The following HYCC2 variants were observed in gnomAD, a reference collection of about 807,000 sequenced individuals.
HYCC2 encodes the protein hyccin 2.
At chr2:201,006,379 G>A in the HYCC2 span, among the ~76,000 whole-genome samples, 12 of 150,848 alleles carry the variant, frequency 8.0e-5, no homozygotes, top group Non-Finnish European at 1.8e-4. Flanking sequence ...GACCTCAGGT[G>A]ATCCACCTGC....
chr2:200,994,512 G>C, the HYCC2 span, among the ~76,000 whole-genome samples: 1 of 152,108 alleles, frequency 6.6e-6, no homozygotes, highest in East Asian at 1.9e-4. Context: ...GCTGGGATTA[G>C]AGGCATGAGC....
At chr2:200,989,202 A>G in the HYCC2 span, among the ~76,000 whole-genome samples, 2 of 152,210 alleles carry the variant, frequency 1.3e-5, no homozygotes, top group African/African-American at 4.8e-5. Context: ...TCCCTCAGAG[A>G]CCACTGACAA....
chr2:201,025,449 A>G, the HYCC2 span, among the ~76,000 whole-genome samples: 1 of 151,306 alleles, frequency 6.6e-6, no homozygotes, highest in African/African-American at 2.5e-5. Flanking sequence ...AAAGAAAGAA[A>G]AAAGAAAGAA....
the HYCC2 span, among the ~76,000 whole-genome samples, chr2:201,069,196 A>C: frequency 3.3e-5 from 5 of 152,228 alleles, no homozygotes; most frequent in Non-Finnish European, 5.9e-5. Flanking sequence ...ATTGCAAATA[A>C]TCAAACTTAA....
chr2:201,068,655 TTAAA>T, the HYCC2 span, among the ~76,000 whole-genome samples: 1 of 152,208 alleles, frequency 6.6e-6, no homozygotes, highest in Non-Finnish European at 1.5e-5. Flanking sequence ...TGAAGAATTC[TTAAA>T]TTAGGTCCAA....
At chr2:201,068,972 C>G in the HYCC2 span, among the ~76,000 whole-genome samples, 1 of 152,112 alleles carries the variant, frequency 6.6e-6, no homozygotes, top group East Asian at 1.9e-4. Flanking sequence ...ATCTTCTGTT[C>G]TGGCTTTAAA....
chr2:201,021,308 C>T, the HYCC2 span: 1 of 153,626 alleles, frequency 6.5e-6, no homozygotes, highest in African/African-American at 2.4e-5. Flanking sequence ...GAGAGAAATT[C>T]AGACCTCCTC....
the HYCC2 span, chr2:201,071,530 G>C: frequency 6.5e-6 from 1 of 152,788 alleles, no homozygotes; most frequent in Admixed American, 6.5e-5. Flanking sequence ...GCTCCCGTCT[G>C]TAGTTTCCGC....
the HYCC2 span, among the ~76,000 whole-genome samples, chr2:201,055,467 G>A: frequency 6.6e-6 from 1 of 151,468 alleles, no homozygotes; most frequent in Non-Finnish European, 1.5e-5. Flanking sequence ...GGGAGGCCGA[G>A]GAAGCCAAAT....
the HYCC2 span, among the ~76,000 whole-genome samples, chr2:201,035,575 A>G: frequency 6.6e-6 from 1 of 152,096 alleles, no homozygotes; most frequent in East Asian, 1.9e-4. Context: ...GAGTAGTCTG[A>G]TCGTCTGAAG....
At chr2:200,994,690 A>C in the HYCC2 span, among the ~76,000 whole-genome samples, 1 of 152,156 alleles carries the variant, frequency 6.6e-6, no homozygotes, top group African/African-American at 2.4e-5. Context: ...AAACTCCGCC[A>C]TCATTTTTGT....
the HYCC2 span, chr2:200,988,439 G>T: frequency 6.3e-7 from 1 of 1,581,744 alleles, no homozygotes. Flanking sequence ...GATAATATAA[G>T]TCTATACAAG....
chr2:201,051,809 G>A, the HYCC2 span, among the ~76,000 whole-genome samples: 3 of 152,172 alleles, frequency 2.0e-5, no homozygotes, highest in South Asian at 6.2e-4. Flanking sequence ...TGTGGGGTGG[G>A]GGCAGGAAAA....
the HYCC2 span, chr2:200,987,244 T>TAC: frequency 1.2e-6 from 1 of 866,176 alleles, no homozygotes; most frequent in Non-Finnish European, 1.6e-6. Context: ...GAGAAGCTAA[T>TAC]ACACCCTGGG....
At chr2:200,975,124 C>T in the HYCC2 span, 21 of 151,942 alleles carry the variant, frequency 1.4e-4, no homozygotes, top group African/African-American at 4.8e-4. Context: ...TTAACGGGTA[C>T]TTTTGCTGGA....
the HYCC2 span, chr2:201,022,205 A>G: frequency 4.8e-6 from 3 of 619,884 alleles, no homozygotes; most frequent in Non-Finnish European, 7.9e-6. Flanking sequence ...TGTATGTCAT[A>G]CTACTGTGTT....
the HYCC2 span, chr2:201,064,030 T>C: frequency 6.3e-7 from 1 of 1,594,862 alleles, no homozygotes; most frequent in East Asian, 2.2e-5. Context: ...GCAGTAGCTA[T>C]GGCAGTGGCA....
chr2:201,036,055 G>A, the HYCC2 span, among the ~76,000 whole-genome samples: 1 of 152,154 alleles, frequency 6.6e-6, no homozygotes, highest in Non-Finnish European at 1.5e-5. Flanking sequence ...AAATGATAAA[G>A]GGGATATCAC....
At chr2:201,043,450 G>A in the HYCC2 span, among the ~76,000 whole-genome samples, 3,809 of 136,030 alleles carry the variant, frequency 0.028, 77 homozygotes, top group Non-Finnish European at 0.042. Flanking sequence ...AAAAAAAAAA[G>A]AAAGAAAAAT....
Sources: gnomAD v4.1 joint callset for allele counts (sites outside exome capture counted in the v4.1 genomes callset) on GRCh38, gnomAD v4.1.1 for gene constraint, MANE v1.5 for transcripts, NCBI Gene and HGNC (gene_info 2026-07-23, HGNC 2026-07-21) for gene names.